ABHD12: variants seen among roughly 807,000 people sequenced by gnomAD.
The protein encoded by ABHD12 is lysophosphatidylserine lipase ABHD12.
Under a neutral mutation model 58.3 loss-of-function variants are expected in ABHD12, and 43 were observed. The ratio of observed to expected loss-of-function variants is 0.74; its 90% CI spans 0.58 to 0.95. ABHD12 has a LOEUF of 0.95. ABHD12 is among the 40% of genes least tolerant of loss of function. The pLI, the probability that ABHD12 is intolerant of heterozygous loss-of-function variation, is 0.00. For missense variants in ABHD12, 539 were observed against 537.2 expected (o/e 1.00, Z -0.03); for synonymous variants, 219 against 211.2 (o/e 1.04, Z -0.32).
At chr20:25,313,980 T>TG (rs11087513) in intron 6 of ABHD12, among the ~76,000 whole-genome samples, 2 of 24,324 alleles carry the variant, frequency 8.2e-5, no homozygotes, top group Non-Finnish European at 1.6e-4. Flanking sequence ...TTAACAGTTC[T>TG]TTTTTTTTTT....
rs752337672 is a variant in ABHD12, at chr20:25,390,569, C to T, written c.135G>A (p.Pro45=). The part of the protein sequence containing the change: ...RLKQNLRLTG[P]AAAEPRCAAD... ...CTGCGCAGCGCGGCTCAGCCGCCGCCGGGCCCGTCAGGCGTAGGTTCTGCT... is the reference window on the plus strand; with the variant it reads ...CTGCGCAGCGCGGCTCAGCCGCCGCTGGGCCCGTCAGGCGTAGGTTCTGCT... The change falls in exon 1 of 13, where the codon CCG becomes CCA. Residue 45 remains proline (P), a synonymous_variant. Coordinates refer to ENST00000339157, the MANE Select transcript of ABHD12 (RefSeq NM_001042472.3). 56 of 1,478,948 alleles carry T rather than the reference C, an allele frequency of 3.8e-5. No homozygotes were observed. Among genetic ancestry groups the T allele is most frequent in the Admixed American group, 1.6e-4 (7 of 44,340 alleles). The allele number at this position is 1,478,948 out of a possible 1,614,324, so 91.6% of individuals were successfully genotyped here. A position where few individuals can be genotyped will look rare whatever the true frequency, so the allele number is the denominator to read the frequency against.
intron 1 of ABHD12, among the ~76,000 whole-genome samples, chr20:25,384,852 G>C (rs963033434): frequency 6.6e-6 from 1 of 152,168 alleles, no homozygotes; most frequent in African/African-American, 2.4e-5. Flanking sequence ...AACAGGACAG[G>C]GTGTGGTAGC....
intron 1 of ABHD12, among the ~76,000 whole-genome samples, chr20:25,350,984 C>G (rs2089591887): frequency 6.9e-6 from 1 of 145,070 alleles, no homozygotes; most frequent in African/African-American, 2.8e-5. Context: ...CACACACACA[C>G]ACACACACAC....
chr20:25,377,337 G>A (rs2089973044), intron 1 of ABHD12, among the ~76,000 whole-genome samples: 1 of 152,178 alleles, frequency 6.6e-6, no homozygotes, highest in African/African-American at 2.4e-5. Context: ...CAAGCAAGAG[G>A]CTAAGAGACC....
chr20:25,338,658 C>T (rs181870799), intron 2 of ABHD12, among the ~76,000 whole-genome samples: 1 of 152,198 alleles, frequency 6.6e-6, no homozygotes, highest in East Asian at 1.9e-4. Context: ...AAGGCCAGCA[C>T]AAAATTCCAC....
At chr20:25,333,838 C>T (rs2146017694) in intron 2 of ABHD12, among the ~76,000 whole-genome samples, 1 of 152,100 alleles carries the variant, frequency 6.6e-6, no homozygotes, top group East Asian at 1.9e-4. Flanking sequence ...ATGACAAACC[C>T]ACAGCCAATA....
intron 4 of ABHD12, 37 bp downstream of exon 4, chr20:25,320,162 T>C (rs766101321): frequency 6.2e-7 from 1 of 1,612,082 alleles, no homozygotes; most frequent in South Asian, 1.1e-5. Context: ...AAAGGAGCCA[T>C]GCTCCACAGC....
intron 11 of ABHD12, among the ~76,000 whole-genome samples, chr20:25,303,039 G>GA (rs1188868175): frequency 6.6e-6 from 1 of 152,198 alleles, no homozygotes; most frequent in Non-Finnish European, 1.5e-5. Flanking sequence ...AGCAAACACT[G>GA]AGGCCCCACA....
chr20:25,302,411 C>A, intron 11 of ABHD12, 65 bp from the exon 12 acceptor site: 1 of 1,602,556 alleles, frequency 6.2e-7, no homozygotes, highest in Non-Finnish European at 8.5e-7. Flanking sequence ...CTGAGGAACA[C>A]CAGCTTGGCA....
intron 1 of ABHD12, among the ~76,000 whole-genome samples, chr20:25,351,678 G>C (rs971038767): frequency 1.3e-5 from 2 of 152,188 alleles, no homozygotes; most frequent in African/African-American, 4.8e-5. Flanking sequence ...ACTTTGGGAG[G>C]CCAGGCGGGT....
At position 25,307,956 on chromosome 20, in the gene ABHD12, C is replaced by T. The variant is rs1461330861; in HGVS notation, c.867+10G>A. 6.6e-7 allele frequency: 1 copy of T among 1,516,198 alleles called. No individual in the cohort carries two copies. The highest frequency in any genetic ancestry group is 1.1e-5 in the South Asian group (1 of 88,296). 93.9% of individuals were successfully genotyped at this position (1,516,198 alleles called of 1,614,324 possible). Reference sequence around the variant, plus strand: ...ATGAAAAGTTAATTTTTAATAAAATCTGTACTTGCCACTGAAAATGGATGG... The same window carrying T: ...ATGAAAAGTTAATTTTTAATAAAATTTGTACTTGCCACTGAAAATGGATGG... On this transcript the variant is annotated intron_variant, in intron 9 of 12. Coordinates refer to ENST00000339157, the MANE Select transcript of ABHD12 (RefSeq NM_001042472.3).
At chr20:25,388,147 CATG>C (rs199927848) in intron 1 of ABHD12, among the ~76,000 whole-genome samples, 3 of 41,686 alleles carry the variant, frequency 7.2e-5, no homozygotes, top group South Asian at 1.1e-3. Context: ...GTGATGGACA[CATG>C]AAGAAGGCTC....
chr20:25,381,259 G>A (rs1398901140), intron 1 of ABHD12, among the ~76,000 whole-genome samples: 6 of 152,058 alleles, frequency 3.9e-5, no homozygotes, highest in South Asian at 2.1e-4. Context: ...CCTCATCTGC[G>A]GCTATTCCCT....
At chr20:25,390,407 G>A (rs1384569788) in intron 1 of ABHD12, 106 bp downstream of exon 1, 7 of 1,126,048 alleles carry the variant, frequency 6.2e-6, no homozygotes, top group African/African-American at 5.0e-5. Context: ...TCGGGCGGAC[G>A]GCCACTCTGG....
In ABHD12 at chr20:25,330,205, C is replaced by A. The variant is rs113230435; in HGVS notation, c.317-6775G>T. On this transcript the variant is annotated intron_variant, in intron 2 of 12. Coordinates refer to ENST00000339157, the MANE Select transcript of ABHD12 (RefSeq NM_001042472.3). ...CCTAGTCAAAGAAAGTGGTGACAGA[C>A]GGCACCTGGAAAATCGGGTCACTCC... Among the ~76,000 whole-genome samples, 179 of 152,344 alleles carry A rather than the reference C, an allele frequency of 1.2e-3. 1 individual carries two copies. Among genetic ancestry groups the A allele is most frequent in the African/African-American group, 4.1e-3 (171 of 41,592 alleles).
At chr20:25,297,150 A>G (rs75685904), downstream of ABHD12, 4 of 152,948 alleles carry the variant, frequency 2.6e-5, no homozygotes, top group South Asian at 2.1e-4. Context: ...TAGCCATCCA[A>G]TGGGCATTGT....
chr20:25,353,713 G>A (rs775715163), intron 1 of ABHD12, among the ~76,000 whole-genome samples: 8 of 152,282 alleles, frequency 5.3e-5, no homozygotes, highest in Middle Eastern at 3.4e-3. Context: ...GCAAGCACCC[G>A]AGGCATAGAG....
At chr20:25,335,437 C>T (rs1312181996) in intron 2 of ABHD12, among the ~76,000 whole-genome samples, 53 of 147,812 alleles carry the variant, frequency 3.6e-4, no homozygotes, top group Non-Finnish European at 7.3e-4. Context: ...TACCATTTGA[C>T]CCAGCCATCC....
intron 1 of ABHD12, among the ~76,000 whole-genome samples, chr20:25,389,445 C>A (rs1377435618): frequency 1.3e-5 from 2 of 152,142 alleles, no homozygotes; most frequent in African/African-American, 4.8e-5. Context: ...CAACTAAGGG[C>A]ATTCCAGATG....
Sources: gnomAD v4.1 joint callset for allele counts (sites outside exome capture counted in the v4.1 genomes callset) on GRCh38, gnomAD v4.1.1 for gene constraint, MANE v1.5 for transcripts, NCBI Gene and HGNC (gene_info 2026-07-23, HGNC 2026-07-21) for gene names.